GEMIN2: variants seen among roughly 807,000 people sequenced by gnomAD.
GEMIN2 encodes the protein gem-associated protein 2.
Under a neutral mutation model 45.8 loss-of-function variants are expected in GEMIN2, and 37 were observed. The ratio of observed to expected loss-of-function variants is 0.81; its 90% CI spans 0.62 to 1.06. GEMIN2 has a LOEUF of 1.06. Ranked by LOEUF, GEMIN2 falls within the 50% of genes least tolerant of loss-of-function variation. GEMIN2 has a pLI of 0.00. For synonymous variants in GEMIN2, 101 were observed against 111.5 expected, an observed-to-expected ratio of 0.91 and a Z score of 0.60; for missense variants, 335 against 321.8, an observed-to-expected ratio of 1.04 and a Z score of -0.31.
At chr14:39,122,923 A>G (rs777946145) in intron 5 of GEMIN2, among the ~76,000 whole-genome samples, 5 of 152,036 alleles carry the variant, frequency 3.3e-5, no homozygotes, top group Non-Finnish European at 5.9e-5. Context: ...GTTGGATAAG[A>G]TTCATAGTTT....
chr14:39,135,959 G>A (rs2052776456), intron 9 of GEMIN2, among the ~76,000 whole-genome samples: 1 of 152,014 alleles, frequency 6.6e-6, no homozygotes, highest in African/African-American at 2.4e-5. Context: ...GGTGGCTCAA[G>A]CCTGTAATTC....
intron 2 of GEMIN2, among the ~76,000 whole-genome samples, 197 bp downstream of exon 2, chr14:39,115,110 G>A (rs2052484716): frequency 1.3e-5 from 2 of 152,212 alleles, no homozygotes; most frequent in African/African-American, 4.8e-5. Flanking sequence ...TGTAACTCTA[G>A]CCTTTGTGGA....
At position 39,118,094 on chromosome 14, in the gene GEMIN2, T is replaced by A; in HGVS notation, c.312+6T>A. On this transcript the variant is annotated splice_donor_region_variant and intron_variant, in intron 3 of 9. Coordinates refer to ENST00000308317, the MANE Select transcript of GEMIN2 (RefSeq NM_003616.3). ...AGTTTTCAACTGTTCGACAGGTAAG[T>A]GTCATATTTAATCTAATTAAGCCCC... 1.3e-6 allele frequency: 2 copies of A among 1,498,306 alleles called. No individual in the cohort carries two copies. Among genetic ancestry groups the A allele is most frequent in the Admixed American group, 3.5e-5 (2 of 57,282 alleles). The allele number at this position is 1,498,306 out of a possible 1,614,324, so 92.8% of individuals were successfully genotyped here.
At chr14:39,119,506 G>A (rs1353742640) in intron 4 of GEMIN2, among the ~76,000 whole-genome samples, 1 of 152,190 alleles carries the variant, frequency 6.6e-6, no homozygotes, top group Non-Finnish European at 1.5e-5. Flanking sequence ...CCTTTTAGGG[G>A]ACTTCATATT....
intron 6 of GEMIN2, among the ~76,000 whole-genome samples, chr14:39,127,835 C>T (rs1191143348): frequency 1.3e-5 from 2 of 151,860 alleles, no homozygotes; most frequent in East Asian, 1.9e-4. Context: ...TTTGGGAGGC[C>T]GAGGAGGGCG....
At chr14:39,119,155 C>A (rs1011935308) in intron 4 of GEMIN2, among the ~76,000 whole-genome samples, 5 of 152,020 alleles carry the variant, frequency 3.3e-5, no homozygotes, top group African/African-American at 1.2e-4. Context: ...TTTAAGGATT[C>A]TTCTAGACAT....
chr14:39,126,749 G>A (rs1431923040), intron 6 of GEMIN2, among the ~76,000 whole-genome samples: 1 of 146,994 alleles, frequency 6.8e-6, no homozygotes, highest in Non-Finnish European at 1.5e-5. Flanking sequence ...ATAAACTGAT[G>A]GTTTTTTTGT....
At position 39,119,122 on chromosome 14, in the gene GEMIN2, T is replaced by C. The variant is rs373033952; in HGVS notation, c.372+523T>C. On this transcript the variant is annotated intron_variant, in intron 4 of 9. Coordinates refer to ENST00000308317, the MANE Select transcript of GEMIN2 (RefSeq NM_003616.3). ...AATATCTTGGGGGACTTTGGATAGG[T>C]GACTGTGAAACTTCCACAAGTTTTT... Among the ~76,000 whole-genome samples, 68 of 152,268 alleles carry C rather than the reference T, an allele frequency of 4.5e-4. 1 individual carries two copies. The South Asian group carries it at 0.014, about 32-fold the overall frequency.
At chr14:39,121,217 C>T (rs2139338334) in intron 4 of GEMIN2, among the ~76,000 whole-genome samples, 1 of 152,222 alleles carries the variant, frequency 6.6e-6, no homozygotes, top group South Asian at 2.1e-4. Context: ...CTGTCAGTGT[C>T]CACTAAAGTC....
At chr14:39,133,956 G>T in intron 9 of GEMIN2, 1 of 257,372 alleles carries the variant, frequency 3.9e-6, no homozygotes, top group Non-Finnish European at 7.4e-6. Flanking sequence ...ACCACACCTG[G>T]CTAATTAAAA....
intron 9 of GEMIN2, chr14:39,134,289 G>C (rs2052757055): frequency 6.6e-6 from 1 of 152,154 alleles, no homozygotes; most frequent in African/African-American, 2.4e-5. Flanking sequence ...CACCATCTCG[G>C]CTCACTACAA....
At chr14:39,129,285 G>GT (rs1366234001) in intron 7 of GEMIN2, among the ~76,000 whole-genome samples, 4 of 152,138 alleles carry the variant, frequency 2.6e-5, no homozygotes, top group Non-Finnish European at 4.4e-5. Flanking sequence ...CTAGGTTTGT[G>GT]TAAGTATACT....
At position 39,124,989 on chromosome 14, in the gene GEMIN2, C is replaced by A; in HGVS notation, c.487-3C>A. The A allele has an allele frequency of 6.8e-7, 1 of 1,463,086 alleles. No individual in the cohort carries two copies. Among genetic ancestry groups the A allele is most frequent in the Non-Finnish European group, 9.5e-7 (1 of 1,050,244 alleles). 90.6% of individuals were successfully genotyped at this position (1,463,086 alleles called of 1,614,324 possible). ...TAAAATTCAGTCTCATTTTTTCTTT[C>A]AGATTGGTTTTCCTCCCTTGCTTAG... On this transcript the variant is annotated splice_region_variant and splice_polypyrimidine_tract_variant and intron_variant, in intron 5 of 9. Transcript: ENST00000308317.
chr14:39,130,509 C>T (rs1021294727), intron 7 of GEMIN2, among the ~76,000 whole-genome samples: 1 of 152,084 alleles, frequency 6.6e-6, no homozygotes, highest in African/African-American at 2.4e-5. Context: ...ACTTAATAAA[C>T]TTTCCCCATG....
At chr14:39,134,006 G>T (rs969163809) in intron 9 of GEMIN2, 19 of 183,848 alleles carry the variant, frequency 1.0e-4, no homozygotes, top group South Asian at 4.8e-4. Flanking sequence ...ATGTTGCCCA[G>T]GCTGGTCTCA....
At chr14:39,134,262 AG>A (rs1280889898) in intron 9 of GEMIN2, 2 of 152,218 alleles carry the variant, frequency 1.3e-5, no homozygotes, top group African/African-American at 4.8e-5. Flanking sequence ...TCTGTTGCCC[AG>A]GCTGGAGTGC....
chr14:39,129,554 C>T (rs1312535824), intron 7 of GEMIN2, among the ~76,000 whole-genome samples: 3 of 151,630 alleles, frequency 2.0e-5, no homozygotes, highest in Admixed American at 6.6e-5. Flanking sequence ...GCTGGGATTA[C>T]AGGCACCTGC....
intron 9 of GEMIN2, among the ~76,000 whole-genome samples, chr14:39,136,075 AGAGT>A (rs1177521648): frequency 2.0e-5 from 3 of 152,192 alleles, no homozygotes; most frequent in South Asian, 4.1e-4. Flanking sequence ...CCTGGGTGAC[AGAGT>A]GAGACCTTGT....
At position 39,114,867 on chromosome 14, in the gene GEMIN2, A is replaced by G; in HGVS notation, c.176A>G (p.Gln59Arg). 3 of 1,581,742 alleles carry G rather than the reference A, an allele frequency of 1.9e-6. No homozygotes were observed. The highest frequency in any genetic ancestry group is 2.6e-6 in the Non-Finnish European group (3 of 1,150,416). The change falls in exon 2 of 10, where the codon CAA (glutamine) becomes CGA (arginine). Residue 59 changes from glutamine to arginine, a missense_variant. By Grantham distance (43) the Gln-to-Arg change is conservative (BLOSUM62 1). Coordinates refer to ENST00000308317, the MANE Select transcript of GEMIN2 (RefSeq NM_003616.3). ...CAATGTCCAGATGTTGTGGTAGCTC[A>G]AATTGACCCAAAGAAGTTGAAAAGG... ...AAQCPDVVVA[Q>R]IDPKKLKRKQ...
Sources: gnomAD v4.1 joint callset for allele counts (sites outside exome capture counted in the v4.1 genomes callset) on GRCh38, gnomAD v4.1.1 for gene constraint, MANE v1.5 for transcripts, NCBI Gene and HGNC (gene_info 2026-07-23, HGNC 2026-07-21) for gene names.